Variants in SYNE1 observed in about 807,000 individuals in gnomAD.
SYNE1 encodes spectrin repeat containing nuclear envelope protein 1, also known as nesprin-1.
SYNE1 carries 616 observed loss-of-function variants against 1,111.0 expected under a neutral mutation model. The ratio of observed to expected loss-of-function variants is 0.55; its 90% CI spans 0.52 to 0.59. The LOEUF (loss-of-function observed/expected upper bound fraction) is 0.59. Ranked by LOEUF, SYNE1 falls within the 20% of genes least tolerant of loss-of-function variation. The probability of loss-of-function intolerance (pLI) is 0.00; values close to 1 mark genes in which losing one functional copy is unlikely to be tolerated. For synonymous variants in SYNE1, 3,855 were observed against 3,825.8 expected, an observed-to-expected ratio of 1.01 and a Z score of -0.28; for missense variants, 10,006 against 10,417.0, an observed-to-expected ratio of 0.96 and a Z score of 1.72.
At chr6:152,234,068 G>T in intron 111 of SYNE1, 105 bp from the exon 112 acceptor site, 1 of 1,205,356 alleles carries the variant, frequency 8.3e-7, no homozygotes, top group Non-Finnish European at 1.2e-6. Flanking sequence ...ACATCCTGGA[G>T]GGGGTTATGC....
chr6:152,141,357 G>C (rs2058512925), intron 138 of SYNE1, 28 bp from the exon 139 acceptor site: 1 of 1,612,714 alleles, frequency 6.2e-7, no homozygotes, highest in African/African-American at 1.3e-5. Context: ...ACCGGCCCCT[G>C]TCACCCAAAT....
At chr6:152,620,199 C>T (rs937458448) in intron 3 of SYNE1, among the ~76,000 whole-genome samples, 11 of 152,116 alleles carry the variant, frequency 7.2e-5, no homozygotes, top group African/African-American at 2.7e-4. Context: ...TCAGACCTTC[C>T]TTTTGTCTTT....
Position 152,401,148 on chromosome 6 carries a change from T to C in SYNE1, c.7019A>G (p.Lys2340Arg). The part of the protein sequence containing the change: ...CAQNETCEAL[K>R]KVKDIQKELQ... ...TAGTTTATTACCTACCTTGACTTTT[T>C]TCAATGCTTCACAAGTCTCATTTTG... is the stretch of plus-strand genomic sequence containing the variant. The change falls in exon 47 of 146, where the codon AAA becomes AGA. Residue 2340 changes from lysine to arginine, a missense_variant. By Grantham distance (26) the Lys-to-Arg change is conservative. Coordinates refer to ENST00000367255, the MANE Select transcript of SYNE1 (RefSeq NM_182961.4). 6.2e-7 allele frequency: 1 copy of C among 1,614,080 alleles called. No individual in the cohort carries two copies. The highest frequency in any genetic ancestry group is 2.2e-5 in the East Asian group (1 of 44,870).
In SYNE1 at chr6:152,504,789, T is replaced by C. The variant is rs77678461; in HGVS notation, c.778+412A>G. ...AAATATTAGTCAAACATTTGTGAAG[T>C]TTGCTGATTGACACCAAAACACTGC... On this transcript the variant is annotated intron_variant, in intron 9 of 145. Transcript: ENST00000367255. Among the ~76,000 whole-genome samples the C allele has an allele frequency of 4.1e-3, 620 of 152,306 alleles. 6 individuals are homozygous for C. Among genetic ancestry groups the C allele is most frequent in the African/African-American group, 0.014 (596 of 41,566 alleles).
At chr6:152,231,248 G>A in intron 114 of SYNE1, 143 bp downstream of exon 114, 1 of 794,758 alleles carries the variant, frequency 1.3e-6, no homozygotes, top group Non-Finnish European at 2.1e-6. Context: ...AGGAAGTTTA[G>A]GGTGATTAAC....
intron 84 of SYNE1, 74 bp from the exon 85 acceptor site, chr6:152,319,089 A>T: frequency 6.3e-7 from 1 of 1,580,502 alleles, no homozygotes; most frequent in Non-Finnish European, 8.6e-7. Flanking sequence ...ATCTCAAATG[A>T]TGTTGACAAG....
chr6:152,488,150 G>C (rs2098951215), intron 12 of SYNE1, among the ~76,000 whole-genome samples: 1 of 151,968 alleles, frequency 6.6e-6, no homozygotes, highest in Non-Finnish European at 1.5e-5. Context: ...ATAAGACTGA[G>C]TTATGGAAAA....
chr6:152,458,888 G>C lies in SYNE1; in HGVS notation c.2437C>G (p.Leu813Val). The C allele has an allele frequency of 6.2e-7, 1 of 1,614,010 alleles. No individual in the cohort carries two copies. Among genetic ancestry groups the C allele is most frequent in the Non-Finnish European group, 8.5e-7 (1 of 1,179,964 alleles). Residue 813 changes from leucine (L) to valine (V), a missense_variant, in exon 22 of 146, where the codon CTG becomes GTG. This residue lies in a region of SYNE1 where 1,971 missense variants were observed against 2,084.1 expected (regional missense o/e 0.95). Transcript: ENST00000367255. ...TCTAATTCCTCCAACGGAATCAACA[G>C]CTGCTGAGACTCATAAAGGAGTGGG... ...YSPLLYESQQ[L>V]LIPLEELEKQ... is the part of the protein sequence containing the mutation.
intron 77 of SYNE1, among the ~76,000 whole-genome samples, chr6:152,333,607 T>C (rs2096301964): frequency 6.6e-6 from 1 of 152,110 alleles, no homozygotes; most frequent in South Asian, 2.1e-4. Context: ...TTAATAATAA[T>C]AAACAATAGA....
At chr6:152,274,922 T>G (rs1440140736) in intron 98 of SYNE1, among the ~76,000 whole-genome samples, 1 of 152,166 alleles carries the variant, frequency 6.6e-6, no homozygotes, top group African/African-American at 2.4e-5. Context: ...CGTCTCACAC[T>G]GTCACCCAGG....
At chr6:152,394,592 G>A (rs992241797) in intron 51 of SYNE1, among the ~76,000 whole-genome samples, 2 of 152,000 alleles carry the variant, frequency 1.3e-5, no homozygotes, top group Admixed American at 6.6e-5. Flanking sequence ...AGCCAGAAAC[G>A]TTTTCTCAGT....
chr6:152,475,647 A>C (rs1002462579), intron 14 of SYNE1, among the ~76,000 whole-genome samples: 1 of 152,196 alleles, frequency 6.6e-6, no homozygotes, highest in Non-Finnish European at 1.5e-5. Context: ...TTCAAAATAT[A>C]TAAAGGAAAA....
chr6:152,430,332 T>C, intron 35 of SYNE1, 122 bp from the exon 36 acceptor site: 2 of 1,129,846 alleles, frequency 1.8e-6, no homozygotes, highest in South Asian at 2.7e-5. Flanking sequence ...AATTATAAAA[T>C]GCATTCTTTA....
At chr6:152,233,997 A>C (rs763470233) in intron 111 of SYNE1, 34 bp from the exon 112 acceptor site, 1 of 1,607,792 alleles carries the variant, frequency 6.2e-7, no homozygotes, top group African/African-American at 1.3e-5. Context: ...ATTAGGGTTA[A>C]ATAGCTAGAC....
At chr6:152,493,161 T>C (rs2098980479) in intron 11 of SYNE1, among the ~76,000 whole-genome samples, 1 of 151,970 alleles carries the variant, frequency 6.6e-6, no homozygotes, top group South Asian at 2.1e-4. Context: ...TACTATCCCA[T>C]TAAAATCTAA....
At chr6:152,363,938 G>A (rs896650445) in intron 63 of SYNE1, among the ~76,000 whole-genome samples, 6 of 152,112 alleles carry the variant, frequency 3.9e-5, no homozygotes, top group African/African-American at 1.2e-4. Context: ...TGGGCAACTC[G>A]CTTGATAACA....
chr6:152,363,761 A>G lies in SYNE1; in HGVS notation c.10145+1086T>C. The G allele has an allele frequency of 2.2e-6, 1 of 455,392 alleles. No homozygotes were observed. The highest frequency in any genetic ancestry group is 4.4e-6 in the Non-Finnish European group (1 of 226,898). 28.2% of individuals were successfully genotyped at this position (455,392 alleles called of 1,614,324 possible). A position where few individuals can be genotyped will look rare whatever the true frequency, so the allele number is the denominator to read the frequency against. On this transcript the variant is annotated intron_variant, in intron 63 of 145. Coordinates refer to ENST00000367255, the MANE Select transcript of SYNE1 (RefSeq NM_182961.4). ...CTCAGTTTGAGGGCAATATAGGCAC[A>G]GGGGAGCCTCACCCTGAGGGGCAGC... is the stretch of plus-strand genomic sequence containing the variant.
At chr6:152,300,605 G>A (rs774835243) in intron 93 of SYNE1, 36 bp downstream of exon 93, 469 of 1,613,752 alleles carry the variant, frequency 2.9e-4, no homozygotes, top group Non-Finnish European at 3.8e-4. Context: ...CATCTGCCCA[G>A]AGATTATTGC....
intron 87 of SYNE1, chr6:152,315,218 T>C (rs1265726752): frequency 6.9e-6 from 1 of 145,150 alleles, no homozygotes; most frequent in African/African-American, 2.5e-5. Flanking sequence ...TTTTTTTTTT[T>C]TTTGAGATGG....
Sources: gnomAD v4.1 joint callset for allele counts (sites outside exome capture counted in the v4.1 genomes callset) on GRCh38, gnomAD v4.1.1 for gene constraint, gnomAD v4.1.1 regional missense constraint, MANE v1.5 for transcripts, NCBI Gene and HGNC (gene_info 2026-07-23, HGNC 2026-07-21) for gene names.